The following ABCC2 variants were observed in gnomAD, a reference collection of about 807,000 sequenced individuals.
ABCC2 encodes ATP binding cassette subfamily C member 2, also known as ATP-binding cassette sub-family C member 2.
Under a neutral mutation model 173.4 loss-of-function variants are expected in ABCC2, and 157 were observed. That is an observed-to-expected ratio of 0.91 (90% CI 0.80 to 1.03). The LOEUF is 1.03. ABCC2 is among the 50% of genes least tolerant of loss of function. The probability of loss-of-function intolerance (pLI) is 0.00; values close to 1 mark genes in which losing one functional copy is unlikely to be tolerated. For synonymous variants in ABCC2, 657 were observed against 693.5 expected (o/e 0.95, Z 0.83); for missense variants, 1,822 against 1,852.3 (o/e 0.98, Z 0.30).
chr10:99,828,233 T>G (rs1260103373), intron 19 of ABCC2, among the ~76,000 whole-genome samples: 1 of 152,074 alleles, frequency 6.6e-6, no homozygotes, highest in Non-Finnish European at 1.5e-5. Context: ...AACATCCCCG[T>G]AAGCCCTTTT....
intron 16 of ABCC2, among the ~76,000 whole-genome samples, chr10:99,815,831 A>T (rs1389274050): frequency 6.6e-6 from 1 of 152,234 alleles, no homozygotes. Context: ...TCTGCAATTT[A>T]AAAAACATGC....
chr10:99,829,821 T>A (rs919189824), intron 19 of ABCC2, among the ~76,000 whole-genome samples: 1 of 152,324 alleles, frequency 6.6e-6, no homozygotes, highest in Middle Eastern at 3.4e-3. Flanking sequence ...ACATAGAGTT[T>A]GCCTATGTTG....
At chr10:99,850,963 C>T (rs1432261810) in intron 31 of ABCC2, among the ~76,000 whole-genome samples, 167 bp downstream of exon 31, 7 of 152,162 alleles carry the variant, frequency 4.6e-5, no homozygotes, top group African/African-American at 1.4e-4. Flanking sequence ...TTTTACATCA[C>T]GCAAATGAAA....
Position 99,793,672 on chromosome 10 carries a change from G to A in ABCC2, c.455G>A (p.Arg152Gln), listed in dbSNP as rs371113793. Reference sequence around the variant, plus strand: ...ACTTTCCAATTTCAGACTCTGATCCGGACACTCTTACAGGTAAGGAAAAAA... The same window carrying A: ...ACTTTCCAATTTCAGACTCTGATCCAGACACTCTTACAGGTAAGGAAAAAA... ...CGTFQFQTLI[R>Q]TLLQGDNSNL... is the part of the protein sequence containing the mutation. Residue 152 changes from arginine to glutamine, a missense_variant, in exon 4 of 32, where the codon CGG becomes CAG. Transcript: ENST00000647814. 37 of 1,613,806 alleles carry A rather than the reference G, an allele frequency of 2.3e-5. No individual in the cohort carries two copies. The highest frequency in any genetic ancestry group is 5.3e-5 in the African/African-American group (4 of 74,838).
chr10:99,797,697 G>T, intron 7 of ABCC2: 1 of 266,642 alleles, frequency 3.8e-6, no homozygotes, highest in Non-Finnish European at 7.3e-6. Context: ...ACCATTCTGG[G>T]CACTAAAAGA....
intron 8 of ABCC2, among the ~76,000 whole-genome samples, chr10:99,800,129 G>T (rs2037988469): frequency 6.6e-6 from 1 of 152,208 alleles, no homozygotes; most frequent in African/African-American, 2.4e-5. Context: ...AAGCCCAGGA[G>T]TTCGAGGCTT....
chr10:99,818,294 CTAAA>C (rs1465106090), intron 17 of ABCC2, among the ~76,000 whole-genome samples: 1 of 152,054 alleles, frequency 6.6e-6, no homozygotes, highest in Non-Finnish European at 1.5e-5. Context: ...TTTGAAACCT[CTAAA>C]TAAAGACCCT....
intron 16 of ABCC2, 21 bp downstream of exon 16, chr10:99,813,165 A>G (rs555638883): frequency 6.8e-6 from 11 of 1,612,088 alleles, no homozygotes; most frequent in Admixed American, 1.7e-5. Context: ...ATGCCAATGC[A>G]AAAGCCTCTG....
intron 23 of ABCC2, 88 bp from the exon 24 acceptor site, chr10:99,834,292 C>G: frequency 7.4e-7 from 1 of 1,359,478 alleles, no homozygotes; most frequent in Non-Finnish European, 1.0e-6. Context: ...CACACAGAAT[C>G]CAACAGATTC....
rs374342284 is a variant in ABCC2, at chr10:99,841,315, G to A, written c.3615-652G>A. Among the ~76,000 whole-genome samples, 29 of 152,274 alleles carry A rather than the reference G, an allele frequency of 1.9e-4. No individual in the cohort carries two copies. The East Asian group carries it at 2.5e-3, about 13-fold the overall frequency. ...TGCCTGTAATTCCAGCACTTTGGGA[G>A]ACTGAGGCAAGCAGAACACGTGAGC... On this transcript the variant is annotated intron_variant, in intron 25 of 31. Transcript: ENST00000647814.
chr10:99,814,672 C>CATACACACATATATGTGTATATACAT (rs1564685846), intron 16 of ABCC2, among the ~76,000 whole-genome samples: 1 of 124,216 alleles, frequency 8.1e-6, no homozygotes, highest in Admixed American at 7.4e-5. Flanking sequence ...TGTATATACA[C>CATACACACATATATGTGTATATACAT]ATATACACAC....
chr10:99,800,341 C>T, intron 8 of ABCC2, 45 bp from the exon 9 acceptor site: 1 of 1,609,024 alleles, frequency 6.2e-7, no homozygotes, highest in African/African-American at 1.3e-5. Context: ...GAGAGGCATC[C>T]TTGGAGGCCT....
At chr10:99,803,867 A>G in intron 9 of ABCC2, 152 bp from the exon 10 acceptor site, 1 of 932,270 alleles carries the variant, frequency 1.1e-6, no homozygotes. Context: ...ACCATGTGTA[A>G]GATTTGGAGG....
chr10:99,822,223 G>A (rs925326897), intron 19 of ABCC2, among the ~76,000 whole-genome samples: 14 of 152,284 alleles, frequency 9.2e-5, no homozygotes, highest in Middle Eastern at 3.4e-3. Context: ...ACTTACCACC[G>A]TTGATACAAT....
At chr10:99,844,252 A>G in intron 27 of ABCC2, 70 bp from the exon 28 acceptor site, 1 of 1,589,446 alleles carries the variant, frequency 6.3e-7, no homozygotes, top group Non-Finnish European at 8.6e-7. Context: ...CTATGACACG[A>G]GTCCTGGGTG....
intron 19 of ABCC2, among the ~76,000 whole-genome samples, chr10:99,829,992 T>C (rs546476007): frequency 6.6e-6 from 1 of 152,326 alleles, no homozygotes; most frequent in East Asian, 1.9e-4. Context: ...CTTCTATTTG[T>C]CTACCATAAT....
In ABCC2 at chr10:99,804,181, G is replaced by A. The variant is rs1460561406; in HGVS notation, c.1372G>A (p.Glu458Lys). 6.2e-7 allele frequency: 1 copy of A among 1,614,174 alleles called. No homozygotes were observed. Among genetic ancestry groups the A allele is most frequent in the Non-Finnish European group, 8.5e-7 (1 of 1,180,016 alleles). Residue 458 changes from glutamate (E) to lysine (K), a missense_variant, in exon 10 of 32, where the codon GAG becomes AAG. By Grantham distance (56) the Glu-to-Lys change is moderately conservative (BLOSUM62 1). Coordinates refer to ENST00000647814, the MANE Select transcript of ABCC2 (RefSeq NM_000392.5). ...CTTATCTATCTTCTTCCTATGGAGAGAGTTGGGACCCTCAGTCTTAGCAGG... is the reference window on the plus strand; with the variant it reads ...CTTATCTATCTTCTTCCTATGGAGAAAGTTGGGACCCTCAGTCTTAGCAGG... ...IVLSIFFLWR[E>K]LGPSVLAGVG...
At chr10:99,848,719 C>T (rs2039050839) in intron 30 of ABCC2, among the ~76,000 whole-genome samples, 1 of 152,158 alleles carries the variant, frequency 6.6e-6, no homozygotes, top group Non-Finnish European at 1.5e-5. Flanking sequence ...TAAAATCACC[C>T]AGGAAGCTTT....
intron 10 of ABCC2, among the ~76,000 whole-genome samples, chr10:99,805,111 G>A (rs1328333561): frequency 6.6e-6 from 1 of 152,204 alleles, no homozygotes; most frequent in East Asian, 1.9e-4. Context: ...GGGAAGGGCA[G>A]GGAAAGAACA....
Sources: gnomAD v4.1 joint callset for allele counts (sites outside exome capture counted in the v4.1 genomes callset) on GRCh38, gnomAD v4.1.1 for gene constraint, MANE v1.5 for transcripts, NCBI Gene and HGNC (gene_info 2026-07-23, HGNC 2026-07-21) for gene names.